SLMAP: variants seen among roughly 807,000 people sequenced by gnomAD.
The protein encoded by SLMAP is sarcolemma associated protein, also known as sarcolemmal membrane-associated protein.
Under a neutral mutation model 128.8 loss-of-function variants are expected in SLMAP, and 44 were observed. That is an observed-to-expected ratio of 0.34 (90% CI 0.27 to 0.44). The LOEUF (loss-of-function observed/expected upper bound fraction) is 0.44, where lower values mean the gene tolerates loss of function less well. Among genes scored for constraint, SLMAP ranks in the 20% least tolerant of loss-of-function variants. The pLI is 1.00. For synonymous variants in SLMAP, 327 were observed against 348.8 expected (o/e 0.94, Z 0.70); for missense variants, 787 against 985.3 (o/e 0.80, Z 2.69).
At position 57,864,588 on chromosome 3, in the gene SLMAP, A is replaced by G; in HGVS notation, c.1007A>G (p.Gln336Arg). The change falls in exon 11 of 25, where the codon CAG becomes CGG. Residue 336 changes from glutamine to arginine, a missense_variant. By Grantham distance (43) the Gln-to-Arg change is conservative. Coordinates refer to ENST00000671191, the MANE Select transcript of SLMAP (RefSeq NM_001377540.1). ...CAAGAGGAAATCCAACAGAAGGGAC[A>G]GGCTGAGAAAAAAGAATTACAACAT... ...GKQEEIQQKG[Q>R]AEKKELQHKI... The G allele has an allele frequency of 1.3e-6, 2 of 1,587,102 alleles. No homozygotes were observed. The highest frequency in any genetic ancestry group is 1.7e-6 in the Non-Finnish European group (2 of 1,173,396).
chr3:57,924,083 G>A (rs756995203), intron 23 of SLMAP, among the ~76,000 whole-genome samples: 1 of 152,144 alleles, frequency 6.6e-6, no homozygotes, highest in Admixed American at 6.5e-5. Context: ...CTGGGATTAT[G>A]GAATTTCAGT....
chr3:57,807,518 C>T (rs1218051585), intron 2 of SLMAP, among the ~76,000 whole-genome samples: 10 of 152,138 alleles, frequency 6.6e-5, no homozygotes, highest in Admixed American at 5.9e-4. Context: ...TGAATTTTAT[C>T]GAAGGCCTTT....
At chr3:57,864,948 A>G (rs991847436) in intron 12 of SLMAP, 91 bp downstream of exon 12, 37 of 988,810 alleles carry the variant, frequency 3.7e-5, no homozygotes, top group Non-Finnish European at 5.4e-5. Context: ...TTTTTAAGGG[A>G]TGTTTTATGT....
At chr3:57,923,372 A>C (rs73090314) in intron 23 of SLMAP, among the ~76,000 whole-genome samples, 17,779 of 152,196 alleles carry the variant, frequency 0.12, 1,128 homozygotes, top group South Asian at 0.16. Flanking sequence ...GAAGCATTGT[A>C]CCACCAGGGA....
chr3:57,834,573 G>A (rs1252049505), intron 3 of SLMAP, among the ~76,000 whole-genome samples: 1 of 152,116 alleles, frequency 6.6e-6, no homozygotes, highest in African/African-American at 2.4e-5. Context: ...TTTTGAAAGA[G>A]ACTAAAAAGT....
chr3:57,797,652 C>G (rs2087100788), intron 2 of SLMAP, among the ~76,000 whole-genome samples: 1 of 151,978 alleles, frequency 6.6e-6, no homozygotes, highest in Non-Finnish European at 1.5e-5. Context: ...GTATTTTATA[C>G]TTGGAAAAAC....
chr3:57,870,670 C>T (rs7621574), intron 13 of SLMAP, among the ~76,000 whole-genome samples: 46,020 of 152,008 alleles, frequency 0.3, 7,276 homozygotes, highest in East Asian at 0.5. Flanking sequence ...GTTGAGACGA[C>T]TGAGGAGTAA....
chr3:57,765,835 C>T (rs2079556902), intron 2 of SLMAP, among the ~76,000 whole-genome samples: 1 of 152,096 alleles, frequency 6.6e-6, no homozygotes, highest in South Asian at 2.1e-4. Flanking sequence ...TATTATTTTT[C>T]ATAATAGTGG....
rs540338550 is a variant in SLMAP, at chr3:57,844,301, C to T, written c.420-2896C>T. ...CCCAGCTACTCAGGAGACTGAGACA[C>T]GAGAACAGCTTGAACCCCGGAGGCG... is the stretch of plus-strand genomic sequence containing the variant. On this transcript the variant is annotated intron_variant, in intron 4 of 24. Transcript: ENST00000671191. Among the ~76,000 whole-genome samples the T allele has an allele frequency of 2.6e-5, 4 of 151,910 alleles. No individual in the cohort carries two copies. The East Asian group carries it at 7.9e-4, about 30-fold the overall frequency.
chr3:57,891,720 G>A (rs1462091364), intron 15 of SLMAP, among the ~76,000 whole-genome samples: 1 of 152,126 alleles, frequency 6.6e-6, no homozygotes, highest in African/African-American at 2.4e-5. Flanking sequence ...GGAATTATAG[G>A]CGCATGCCAC....
At chr3:57,831,690 C>G (rs1232363187) in intron 3 of SLMAP, among the ~76,000 whole-genome samples, 160 bp downstream of exon 3, 1 of 152,090 alleles carries the variant, frequency 6.6e-6, no homozygotes, top group African/African-American at 2.4e-5. Flanking sequence ...TTCCGTATTG[C>G]TCTTCTAAAA....
At position 57,895,345 on chromosome 3, in the gene SLMAP, C is replaced by A. The variant is rs552504847; in HGVS notation, c.1361-1166C>A. Reference sequence around the variant, plus strand: ...AAACTTTTTTTTTCTTTCTTTCTTTCTTTATTTTGAGACAGAGTCTTGCTC... The same window carrying A: ...AAACTTTTTTTTTCTTTCTTTCTTTATTTATTTTGAGACAGAGTCTTGCTC... On this transcript the variant is annotated intron_variant, in intron 15 of 24. Transcript: ENST00000671191. 7.3e-5 allele frequency among the ~76,000 whole-genome samples: 11 copies of A among 151,724 alleles called. No homozygotes were observed. The East Asian group carries it at 2.1e-3, about 30-fold the overall frequency.
At chr3:57,878,929 T>G (rs1193680962) in intron 14 of SLMAP, among the ~76,000 whole-genome samples, 1 of 152,238 alleles carries the variant, frequency 6.6e-6, no homozygotes, top group African/African-American at 2.4e-5. Flanking sequence ...TCAGTTTGTT[T>G]CAGATCCCTA....
chr3:57,870,125 G>GAAATATGTTTC (rs2095446141), intron 13 of SLMAP, among the ~76,000 whole-genome samples: 2 of 152,152 alleles, frequency 1.3e-5, no homozygotes, highest in African/African-American at 4.8e-5. Flanking sequence ...ATATTAGTCT[G>GAAATATGTTTC]AAATATGTTT....
intron 5 of SLMAP, among the ~76,000 whole-genome samples, chr3:57,848,613 C>T (rs1434576626): frequency 6.7e-6 from 1 of 148,926 alleles, no homozygotes; most frequent in Admixed American, 6.7e-5. Context: ...TCCTCCCCCT[C>T]TTCTTTTTCT....
intron 6 of SLMAP, among the ~76,000 whole-genome samples, chr3:57,854,156 A>G (rs572392512): frequency 7.7e-4 from 115 of 149,956 alleles, no homozygotes; most frequent in Non-Finnish European, 1.5e-3. Flanking sequence ...TTCTCCCATT[A>G]TAAGTCCCTT....
At chr3:57,912,828 T>A (rs2096729138) in intron 20 of SLMAP, 127 bp downstream of exon 20, 1 of 606,350 alleles carries the variant, frequency 1.6e-6, no homozygotes, top group Non-Finnish European at 2.7e-6. Flanking sequence ...CCAATGTTTT[T>A]AAATCGGAGC....
chr3:57,862,668 T>G (rs901184525), intron 10 of SLMAP, among the ~76,000 whole-genome samples: 1 of 150,162 alleles, frequency 6.7e-6, no homozygotes, highest in African/African-American at 2.5e-5. Flanking sequence ...AAATTCAGTT[T>G]GAAAACCACT....
chr3:57,868,826 TATATATATGTGTATTATATATAAAA>T (rs927032492), intron 13 of SLMAP, among the ~76,000 whole-genome samples: 8 of 135,094 alleles, frequency 5.9e-5, no homozygotes, highest in Non-Finnish European at 1.2e-4. Flanking sequence ...ATATATAAAA[TATATATATGTGTATTATATATAAAA>T]ATATATATTA....
Sources: gnomAD v4.1 joint callset for allele counts (sites outside exome capture counted in the v4.1 genomes callset) on GRCh38, gnomAD v4.1.1 for gene constraint, MANE v1.5 for transcripts, NCBI Gene and HGNC (gene_info 2026-07-23, HGNC 2026-07-21) for gene names.